The following TRIO variants were observed in gnomAD, a reference collection of about 807,000 sequenced individuals.
TRIO encodes the protein trio Rho guanine nucleotide exchange factor.
TRIO carries 58 observed loss-of-function variants against 351.9 expected under a neutral mutation model. That is an observed-to-expected ratio of 0.16 (90% confidence interval 0.13 to 0.21). TRIO has a LOEUF of 0.21. TRIO is among the 10% of genes least tolerant of loss of function. The pLI, the probability that TRIO is intolerant of heterozygous loss-of-function variation, is 1.00. For missense variants in TRIO, 3,201 were observed against 4,027.8 expected (o/e 0.79, Z 5.56); for synonymous variants, 1,758 against 1,595.7 (o/e 1.10, Z -2.42).
intron 54 of TRIO, among the ~76,000 whole-genome samples, chr5:14,502,978 C>G (rs1048061418): frequency 1.3e-5 from 2 of 152,216 alleles, no homozygotes; most frequent in Admixed American, 6.5e-5. Context: ...TCAAACGCTT[C>G]TTGTAGTTCT....
rs1039204464 is a variant in TRIO, at chr5:14,240,942, G to C, written c.158-29883G>C. 7.9e-5 allele frequency among the ~76,000 whole-genome samples: 12 copies of C among 152,052 alleles called. No homozygotes were observed. The East Asian group carries it at 2.3e-3, about 29-fold the overall frequency. On this transcript the variant is annotated intron_variant, in intron 1 of 56. Coordinates refer to ENST00000344204, the MANE Select transcript of TRIO (RefSeq NM_007118.4). ...TTGAAGTTTTACATTATTTTCTTTT[G>C]AATCGTGAAATAAGTTTTTAAGAGA...
At chr5:14,475,143 A>T (rs150085076) in intron 40 of TRIO, among the ~76,000 whole-genome samples, 196 of 152,258 alleles carry the variant, frequency 1.3e-3, no homozygotes, top group Non-Finnish European at 2.2e-3. Flanking sequence ...CCTTTAGATC[A>T]CTTTGCTTAA....
At position 14,488,120 on chromosome 5, in the gene TRIO, G is replaced by A. The variant is rs1041144653; in HGVS notation, c.7492G>A (p.Gly2498Ser). Residue 2498 changes from glycine (G) to serine (S), a missense_variant, in exon 48 of 57, where the codon GGC becomes AGC. This residue lies in a region of TRIO where 1,089 missense variants were observed against 954.9 expected (regional missense o/e 1.14). Transcript: ENST00000344204. ...SIPASPASRP[G>S]SFTFPGDSDS... Reference sequence around the variant, plus strand: ...CCCCGCCTCCCCCGCCAGCCGACCCGGCTCCTTCACCTTCCCGGGGGACAG... The same window carrying A: ...CCCCGCCTCCCCCGCCAGCCGACCCAGCTCCTTCACCTTCCCGGGGGACAG... 6.2e-7 allele frequency: 1 copy of A among 1,609,520 alleles called. No homozygotes were observed. The highest frequency in any genetic ancestry group is 8.5e-7 in the Non-Finnish European group (1 of 1,179,312).
intron 1 of TRIO, among the ~76,000 whole-genome samples, chr5:14,165,687 C>T (rs1038469709): frequency 1.3e-5 from 2 of 152,138 alleles, no homozygotes; most frequent in South Asian, 4.1e-4. Flanking sequence ...TCATTCTCAA[C>T]CTTTCCTTGG....
At chr5:14,238,928 T>TA (rs1484184188) in intron 1 of TRIO, among the ~76,000 whole-genome samples, 1 of 152,224 alleles carries the variant, frequency 6.6e-6, no homozygotes, top group Non-Finnish European at 1.5e-5. Context: ...AAAATAAGTA[T>TA]AAAAACAGGT....
At chr5:14,338,635 G>T (rs1024507702) in intron 11 of TRIO, among the ~76,000 whole-genome samples, 1 of 152,238 alleles carries the variant, frequency 6.6e-6, no homozygotes, top group Non-Finnish European at 1.5e-5. Flanking sequence ...TGGGCCAGGA[G>T]CACAGCAGCC....
chr5:14,368,473 G>A (rs1353495596), intron 16 of TRIO, among the ~76,000 whole-genome samples: 1 of 152,114 alleles, frequency 6.6e-6, no homozygotes, highest in Non-Finnish European at 1.5e-5. Flanking sequence ...CATTCTGGGA[G>A]GTCCTGATCA....
chr5:14,321,933 C>A (rs1407184548), intron 9 of TRIO, among the ~76,000 whole-genome samples: 1 of 152,194 alleles, frequency 6.6e-6, no homozygotes, highest in Non-Finnish European at 1.5e-5. Flanking sequence ...TTGCCTTCCA[C>A]CATGATTGTT....
At chr5:14,172,082 TTC>T (rs1164767996) in intron 1 of TRIO, among the ~76,000 whole-genome samples, 2 of 152,224 alleles carry the variant, frequency 1.3e-5, no homozygotes, top group Non-Finnish European at 2.9e-5. Flanking sequence ...TGCCAATCTG[TTC>T]TCTCTCTTTC....
At chr5:14,407,356 G>A (rs1180885746) in intron 33 of TRIO, among the ~76,000 whole-genome samples, 1 of 152,194 alleles carries the variant, frequency 6.6e-6, no homozygotes, top group African/African-American at 2.4e-5. Flanking sequence ...AGTTAAGCAG[G>A]TCTTATATGG....
chr5:14,349,599 G>T (rs1206666901), intron 11 of TRIO, among the ~76,000 whole-genome samples: 1 of 152,166 alleles, frequency 6.6e-6, no homozygotes, highest in Non-Finnish European at 1.5e-5. Context: ...CCAAGTGGCA[G>T]TTCTACAAGA....
At chr5:14,193,937 G>A (rs1395889770) in intron 1 of TRIO, among the ~76,000 whole-genome samples, 1 of 152,082 alleles carries the variant, frequency 6.6e-6, no homozygotes, top group African/African-American at 2.4e-5. Context: ...GTCCTTACCT[G>A]CTCCTTTCAC....
At chr5:14,373,957 G>A (rs1240824526) in intron 18 of TRIO, among the ~76,000 whole-genome samples, 4 of 152,164 alleles carry the variant, frequency 2.6e-5, no homozygotes, top group Admixed American at 6.5e-5. Context: ...CCCTTCCTCC[G>A]TGACCGTAAG....
At chr5:14,191,561 G>A (rs1790461145) in intron 1 of TRIO, among the ~76,000 whole-genome samples, 1 of 148,324 alleles carries the variant, frequency 6.7e-6, no homozygotes, top group African/African-American at 2.5e-5. Context: ...AAAAGTGGTA[G>A]TAGTAGTACA....
chr5:14,507,897 G>A lies in TRIO; in HGVS notation c.8769G>A (p.Val2923=). Residue 2923 remains valine, a synonymous_variant, in exon 57 of 57, where the codon GTG becomes GTA. Coordinates refer to ENST00000344204, the MANE Select transcript of TRIO (RefSeq NM_007118.4). ...HLDLKPENIL[V]DESLAKPTIK... ...ATTTCCAGCCTGAGAATATCCTGGT[G>A]GATGAGAGTTTAGCCAAGCCAACCA... is the stretch of plus-strand genomic sequence containing the variant. The A allele has an allele frequency of 6.2e-7, 1 of 1,613,660 alleles. No homozygotes were observed. Among genetic ancestry groups the A allele is most frequent in the Non-Finnish European group, 8.5e-7 (1 of 1,179,742 alleles).
At chr5:14,367,818 C>T (rs1744735717) in intron 16 of TRIO, among the ~76,000 whole-genome samples, 1 of 152,192 alleles carries the variant, frequency 6.6e-6, no homozygotes, top group African/African-American at 2.4e-5. Context: ...ATTGGACATG[C>T]ATTAACACCT....
At chr5:14,434,484 GT>G (rs911374941) in intron 34 of TRIO, among the ~76,000 whole-genome samples, 87 of 149,050 alleles carry the variant, frequency 5.8e-4, no homozygotes, top group African/African-American at 1.9e-3. Context: ...ACAACACTCA[GT>G]TTTTTTTTTA....
Position 14,487,565 on chromosome 5 carries a change from G to A in TRIO, c.6937G>A (p.Ala2313Thr). The change falls in exon 48 of 57, where the codon GCC (alanine) becomes ACC (threonine). Residue 2313 changes from alanine (A) to threonine (T), a missense_variant. By Grantham distance (58) the Ala-to-Thr change is moderately conservative. Around this residue, in one of 19 missense-constraint regions of TRIO, gnomAD observed 1,089 missense variants for 954.9 expected, o/e 1.14. Coordinates refer to ENST00000344204, the MANE Select transcript of TRIO (RefSeq NM_007118.4). The stretch of plus-strand genomic sequence containing the variant: ...GGGTGGGGGCAGCGGCGGCGGCGGG[G>A]CCCCCAGTGGCGGCAGCGGCCACAG... ...GGGGGSGGGG[A>T]PSGGSGHSGG... 9.0e-7 allele frequency: 1 copy of A among 1,117,002 alleles called. No individual in the cohort carries two copies. The highest frequency in any genetic ancestry group is 4.3e-5 in the South Asian group (1 of 23,230). 69.2% of individuals were successfully genotyped at this position (1,117,002 alleles called of 1,614,324 possible).
At chr5:14,309,094 A>T (rs374981716) in intron 8 of TRIO, among the ~76,000 whole-genome samples, 1 of 146,016 alleles carries the variant, frequency 6.8e-6, no homozygotes, top group African/African-American at 2.6e-5. Context: ...CCATCCACAC[A>T]TTATCTACAC....
Sources: allele counts gnomAD v4.1 joint callset (sites outside exome capture counted in the v4.1 genomes callset), GRCh38; gene constraint gnomAD v4.1.1; regional missense constraint gnomAD v4.1.1; transcripts MANE v1.5; gene names NCBI Gene and HGNC (gene_info 2026-07-23, HGNC 2026-07-21).